Variants in CSMD2 observed in about 807,000 individuals in gnomAD.
CSMD2 encodes CUB and sushi domain-containing protein 2.
CSMD2 carries 130 observed loss-of-function variants against 398.5 expected under a neutral mutation model. The observed-to-expected ratio is 0.33, with a 90% confidence interval of 0.28 to 0.38. The LOEUF is 0.38. Among genes scored for constraint, CSMD2 ranks in the 10% least tolerant of loss-of-function variants. The pLI, the probability that CSMD2 is intolerant of heterozygous loss-of-function variation, is 1.00. For synonymous variants in CSMD2, 1,828 were observed against 1,908.5 expected (o/e 0.96, Z 1.10); for missense variants, 3,829 against 4,764.9 (o/e 0.80, Z 5.78).
At chr1:33,767,566 C>G (rs1249639403) in intron 13 of CSMD2, among the ~76,000 whole-genome samples, 7 of 152,090 alleles carry the variant, frequency 4.6e-5, no homozygotes, top group Non-Finnish European at 1.0e-4. Context: ...AACAGCCATA[C>G]CCTCTTATGC....
intron 3 of CSMD2, among the ~76,000 whole-genome samples, chr1:34,004,881 G>T (rs1164091379): frequency 6.6e-6 from 1 of 152,082 alleles, no homozygotes; most frequent in Admixed American, 6.6e-5. Flanking sequence ...TCTGGCTCTG[G>T]ACTTGCCAAT....
chr1:33,553,002 CAGAT>C (rs1299233286), intron 55 of CSMD2, among the ~76,000 whole-genome samples: 3 of 152,200 alleles, frequency 2.0e-5, no homozygotes, highest in African/African-American at 7.2e-5. Flanking sequence ...AAAAGATTGT[CAGAT>C]AGGGTTTAAA....
chr1:34,025,530 T>C (rs1649535829), intron 3 of CSMD2, among the ~76,000 whole-genome samples: 1 of 152,224 alleles, frequency 6.6e-6, no homozygotes, highest in African/African-American at 2.4e-5. Context: ...ACAGGGCATC[T>C]GTAAACTCCC....
chr1:34,084,060 G>T (rs1657574432), intron 2 of CSMD2, among the ~76,000 whole-genome samples: 1 of 151,970 alleles, frequency 6.6e-6, no homozygotes, highest in Non-Finnish European at 1.5e-5. Context: ...AGAATAAGCA[G>T]ATCATAAAGA....
chr1:33,824,045 G>T (rs780106578), intron 7 of CSMD2, among the ~76,000 whole-genome samples: 1 of 152,070 alleles, frequency 6.6e-6, no homozygotes, highest in Non-Finnish European at 1.5e-5. Context: ...AGGAAGGCAG[G>T]GTAGGATTTT....
intron 4 of CSMD2, among the ~76,000 whole-genome samples, chr1:33,918,836 A>AT (rs1340413814): frequency 2.6e-5 from 4 of 152,040 alleles, no homozygotes; most frequent in Non-Finnish European, 4.4e-5. Flanking sequence ...TGGGAAATTT[A>AT]TTTTTTTTAA....
chr1:33,742,669 G>A lies in CSMD2; in HGVS notation c.2173+611C>T, dbSNP rs532428795. Among the ~76,000 whole-genome samples, 3 of 149,826 alleles carry A rather than the reference G, an allele frequency of 2.0e-5. No homozygotes were observed. The South Asian group carries it at 6.3e-4, about 32-fold the overall frequency. ...AGGCTGCTTCTAGAGAAGGGGCCCA[G>A]GATTGAAACTGGAGGTGGCAACTTT... On this transcript the variant is annotated intron_variant, in intron 14 of 70. Coordinates refer to ENST00000373381, the MANE Select transcript of CSMD2 (RefSeq NM_001281956.2).
intron 2 of CSMD2, among the ~76,000 whole-genome samples, chr1:34,066,418 C>A (rs1180699154): frequency 6.6e-6 from 1 of 152,132 alleles, no homozygotes; most frequent in Non-Finnish European, 1.5e-5. Flanking sequence ...TTCCCTGATC[C>A]TTTGCATCTT....
In CSMD2 at chr1:33,658,010, T is replaced by C; in HGVS notation, c.4383A>G (p.Ala1461=). ...CDPGYALQGS[A]EISCVKIENR... is the part of the protein sequence containing the mutation. ...TCTCGATCTTCACACAGCTGATCTCTGCACTTCCCTGCAGCGCGTAGCCAG... is the reference window on the plus strand; with the variant it reads ...TCTCGATCTTCACACAGCTGATCTCCGCACTTCCCTGCAGCGCGTAGCCAG... The change falls in exon 27 of 71, where the codon GCA becomes GCG. Residue 1461 remains alanine, a synonymous_variant. Coordinates refer to ENST00000373381, the MANE Select transcript of CSMD2 (RefSeq NM_001281956.2). 1 of 1,614,206 alleles carries C rather than the reference T, an allele frequency of 6.2e-7. No homozygotes were observed. Among genetic ancestry groups the C allele is most frequent in the Non-Finnish European group, 8.5e-7 (1 of 1,180,032 alleles).
At chr1:33,579,670 CTTTTT>C (rs1032251571) in intron 48 of CSMD2, among the ~76,000 whole-genome samples, 5 of 149,982 alleles carry the variant, frequency 3.3e-5, no homozygotes, top group African/African-American at 1.2e-4. Flanking sequence ...AACCAAGATT[CTTTTT>C]TTTTAATTTT....
At chr1:33,557,666 AGAG>A in intron 55 of CSMD2, 65 bp downstream of exon 55, 1 of 1,326,470 alleles carries the variant, frequency 7.5e-7, no homozygotes, top group Non-Finnish European at 1.0e-6. Flanking sequence ...ACACATGCAC[AGAG>A]GGGAGGACTG....
intron 28 of CSMD2, among the ~76,000 whole-genome samples, chr1:33,650,223 C>T (rs996761402): frequency 6.6e-6 from 1 of 152,196 alleles, no homozygotes; most frequent in Non-Finnish European, 1.5e-5. Flanking sequence ...ACATGTAAGA[C>T]ACCACTTCTG....
intron 1 of CSMD2, among the ~76,000 whole-genome samples, chr1:34,131,704 C>A (rs987562111): frequency 6.6e-6 from 1 of 152,164 alleles, no homozygotes; most frequent in Non-Finnish European, 1.5e-5. Context: ...CCACCATCAC[C>A]AAGTTACTCA....
intron 42 of CSMD2, among the ~76,000 whole-genome samples, chr1:33,604,986 A>T (rs1157370506): frequency 6.6e-6 from 1 of 152,122 alleles, no homozygotes; most frequent in Admixed American, 6.5e-5. Context: ...CTTCCCTTCC[A>T]ATGGGAGTCC....
intron 3 of CSMD2, among the ~76,000 whole-genome samples, chr1:34,028,018 C>A (rs776168746): frequency 1.3e-5 from 2 of 152,068 alleles, no homozygotes; most frequent in Non-Finnish European, 1.5e-5. Context: ...GCAGGATGCT[C>A]AGTTATATTT....
At chr1:33,639,914 G>T (rs934206559) in intron 29 of CSMD2, among the ~76,000 whole-genome samples, 7 of 152,184 alleles carry the variant, frequency 4.6e-5, no homozygotes, top group African/African-American at 1.7e-4. Flanking sequence ...CTCTGCAGAA[G>T]GCAGGGCCGG....
At chr1:33,841,038 A>G (rs549848553) in intron 6 of CSMD2, among the ~76,000 whole-genome samples, 1 of 152,354 alleles carries the variant, frequency 6.6e-6, no homozygotes, top group African/African-American at 2.4e-5. Flanking sequence ...AATGTTTTCA[A>G]ATGAATAAGT....
intron 3 of CSMD2, among the ~76,000 whole-genome samples, chr1:34,003,719 C>T (rs1646971703): frequency 6.6e-6 from 1 of 152,188 alleles, no homozygotes; most frequent in South Asian, 2.1e-4. Flanking sequence ...GACTCTACTG[C>T]ACCATCCAGG....
At position 33,633,682 on chromosome 1, in the gene CSMD2, AGTG is replaced by A; in HGVS notation, c.5087-150_5087-148del. 1.6e-6 allele frequency: 1 copy of A among 630,796 alleles called. No individual in the cohort carries two copies. The highest frequency in any genetic ancestry group is 2.8e-6 in the Non-Finnish European group (1 of 351,430). 39.1% of individuals were successfully genotyped at this position (630,796 alleles called of 1,614,324 possible). A position where few individuals can be genotyped will look rare whatever the true frequency, so the allele number is the denominator to read the frequency against. ...TGTGGCTTGCTGCACTGGTTAGTGC[AGTG>A]GCACAGTCTGGCAGTGGCCAGACAC... is the stretch of plus-strand genomic sequence containing the variant. On this transcript the variant is annotated intron_variant, in intron 31 of 70. Transcript: ENST00000373381. This position sits in a 1 kb window ranked among gnomAD's most constrained non-coding sequence, Gnocchi z 5.0.
Sources: gnomAD v4.1 joint callset for allele counts (sites outside exome capture counted in the v4.1 genomes callset) on GRCh38, gnomAD v4.1.1 for gene constraint, Gnocchi (gnomAD v3.1) non-coding constraint, MANE v1.5 for transcripts, NCBI Gene and HGNC (gene_info 2026-07-23, HGNC 2026-07-21) for gene names.